UBXN8: variants seen among roughly 807,000 people sequenced by gnomAD.
UBXN8 encodes UBX domain protein 8.
UBXN8 carries 27 observed loss-of-function variants against 32.1 expected under a neutral mutation model. That is an observed-to-expected ratio of 0.84 (90% CI 0.62 to 1.16). The LOEUF (loss-of-function observed/expected upper bound fraction) is 1.16, where lower values mean the gene tolerates loss of function less well. Among genes scored for constraint, UBXN8 ranks in the 50% most tolerant of loss-of-function variants. The pLI is 0.00. For synonymous variants in UBXN8, 109 were observed against 111.8 expected, an observed-to-expected ratio of 0.98 and a Z score of 0.16; for missense variants, 306 against 311.4, an observed-to-expected ratio of 0.98 and a Z score of 0.13.
At chr8:30,762,023 C>T (rs1036852729) in intron 6 of UBXN8, among the ~76,000 whole-genome samples, 1 of 149,704 alleles carries the variant, frequency 6.7e-6, no homozygotes. Context: ...GGAGAACCTA[C>T]TTCTTGGGGC....
chr8:30,730,532 T>C (rs1195706663), upstream of UBXN8, among the ~76,000 whole-genome samples: 1 of 151,724 alleles, frequency 6.6e-6, no homozygotes, highest in Non-Finnish European at 1.5e-5. Context: ...CCCAAGAGTA[T>C]GTAAGGACCC....
intron 1 of UBXN8, among the ~76,000 whole-genome samples, chr8:30,747,356 G>A (rs1323149681): frequency 2.1e-5 from 2 of 96,458 alleles, no homozygotes; most frequent in East Asian, 7.1e-4. Context: ...TGTTGCCCAC[G>A]CAGGAGTGCA....
At chr8:30,753,211 A>G (rs1399330450) in intron 3 of UBXN8, 106 bp downstream of exon 3, 3 of 1,332,246 alleles carry the variant, frequency 2.3e-6, no homozygotes, top group Non-Finnish European at 2.9e-6. Flanking sequence ...GATTTTAAAA[A>G]ATATATAATG....
intron 1 of UBXN8, among the ~76,000 whole-genome samples, chr8:30,747,227 A>G (rs145361302): frequency 0.02 from 2,872 of 140,384 alleles, 457 homozygotes; most frequent in South Asian, 0.032. Context: ...TAGTTCTTTC[A>G]TATTCTCATG....
At chr8:30,748,123 A>AT (rs1471987392) in intron 1 of UBXN8, among the ~76,000 whole-genome samples, 1 of 149,034 alleles carries the variant, frequency 6.7e-6, no homozygotes, top group South Asian at 2.1e-4. Context: ...CTTAAGCTAA[A>AT]TTTTTTTTCT....
chr8:30,740,090 A>G (rs1473709811), upstream of UBXN8, among the ~76,000 whole-genome samples: 1 of 139,648 alleles, frequency 7.2e-6, no homozygotes, highest in Non-Finnish European at 1.5e-5. Context: ...GTTTTTTTGT[A>G]GAGATGGGGT....
intron 6 of UBXN8, among the ~76,000 whole-genome samples, chr8:30,762,060 C>CTT (rs773564122): frequency 1.1e-4 from 7 of 63,608 alleles, no homozygotes; most frequent in Middle Eastern, 7.1e-3. Flanking sequence ...TCCTTGGAAA[C>CTT]CTTTTTTTTT....
At chr8:30,731,849 C>G (rs191945116), upstream of UBXN8, among the ~76,000 whole-genome samples, 61 of 152,296 alleles carry the variant, frequency 4.0e-4, no homozygotes, top group Non-Finnish European at 8.1e-4. Flanking sequence ...CCTTGTCAGT[C>G]TCCATGGAAC....
At chr8:30,763,060 T>A in intron 6 of UBXN8, 1 of 473,844 alleles carries the variant, frequency 2.1e-6, no homozygotes, top group Non-Finnish European at 3.7e-6. Flanking sequence ...TGGCGGGGGG[T>A]GTCTCAAACT....
chr8:30,730,428 C>T (rs1263151724), upstream of UBXN8, among the ~76,000 whole-genome samples: 5 of 152,346 alleles, frequency 3.3e-5, no homozygotes, highest in Non-Finnish European at 7.3e-5. Context: ...CCACCAGTTG[C>T]TCATGTTCCT....
Position 30,761,747 on chromosome 8 carries a change from G to T in UBXN8, c.570+818G>T, listed in dbSNP as rs373506287. Among the ~76,000 whole-genome samples, 108 of 152,154 alleles carry T rather than the reference G, an allele frequency of 7.1e-4. 3 individuals are homozygous for T. In the South Asian group the frequency reaches 0.013, roughly 18 times the overall value. The stretch of plus-strand genomic sequence containing the variant: ...AAAAAGGAAAAAAAACTAGGCAAAT[G>T]ACTTCAAATTGCAGTTCTCCTTTTC... On this transcript the variant is annotated intron_variant, in intron 6 of 7. Transcript: ENST00000265616.
intron 6 of UBXN8, among the ~76,000 whole-genome samples, chr8:30,762,568 T>G (rs530416211): frequency 1.3e-5 from 2 of 152,192 alleles, no homozygotes; most frequent in East Asian, 3.9e-4. Context: ...AATATTTGTA[T>G]TTTTAGTAGA....
intron 3 of UBXN8, among the ~76,000 whole-genome samples, 166 bp downstream of exon 3, chr8:30,753,271 T>G (rs1477797239): frequency 6.6e-6 from 1 of 152,166 alleles, no homozygotes; most frequent in Non-Finnish European, 1.5e-5. Context: ...ACTTATTTAT[T>G]TTTGAAATGG....
Position 30,766,506 on chromosome 8 carries a change from A to G in UBXN8, c.*112A>G. 6.9e-6 allele frequency: 8 copies of G among 1,157,466 alleles called. No homozygotes were observed. In the South Asian group the frequency reaches 1.2e-4, roughly 17 times the overall value. The allele number at this position is 1,157,466 out of a possible 1,614,324, so 71.7% of individuals were successfully genotyped here. On this transcript the variant is annotated 3_prime_UTR_variant, in exon 8 of 8. Transcript: ENST00000265616. ...ATACCTTGATTGAGCTCATGGCAGT[A>G]AACTTTGAACATTGATATCCATGGG...
rs199717897 is a variant in UBXN8 at position 30,754,678 on chromosome 8, T to C, written c.296T>C (p.Ile99Thr). Residue 99 changes from isoleucine (I) to threonine (T), a missense_variant, in exon 4 of 8, where the codon ATA (isoleucine) becomes ACA (threonine). Transcript: ENST00000265616. ...EAQGEKASRYIENVLKPHQEM... is the reference protein window; with the variant it reads ...EAQGEKASRYTENVLKPHQEM... ...TGTTTTCAACAGGCCAGCAGATACATAGAGAATGTTTTAAAACCTCACCAG... is the reference window on the plus strand; with the variant it reads ...TGTTTTCAACAGGCCAGCAGATACACAGAGAATGTTTTAAAACCTCACCAG... 1,673 of 1,553,218 alleles carry C rather than the reference T, an allele frequency of 1.1e-3. 9 individuals carry two copies. Among genetic ancestry groups the C allele is most frequent in the South Asian group, 9.5e-3 (755 of 79,176 alleles).
chr8:30,757,812 A>G (rs2128755490), intron 5 of UBXN8, among the ~76,000 whole-genome samples: 1 of 147,058 alleles, frequency 6.8e-6, no homozygotes, highest in African/African-American at 2.5e-5. Flanking sequence ...GTGAGCCTAG[A>G]TTGCGCCACT....
chr8:30,765,710 C>T (rs576059464), intron 7 of UBXN8, among the ~76,000 whole-genome samples: 12 of 151,782 alleles, frequency 7.9e-5, no homozygotes, highest in East Asian at 3.9e-4. Flanking sequence ...CCCGCCACCA[C>T]GCCTGGCTAA....
At chr8:30,739,471 G>A (rs1013973939), upstream of UBXN8, among the ~76,000 whole-genome samples, 1 of 152,312 alleles carries the variant, frequency 6.6e-6, no homozygotes, top group Middle Eastern at 3.4e-3. Flanking sequence ...GTGAACCTGG[G>A]AGGTGGAGTT....
upstream of UBXN8, among the ~76,000 whole-genome samples, chr8:30,739,264 G>A (rs941035080): frequency 6.6e-5 from 10 of 151,006 alleles, no homozygotes; most frequent in Non-Finnish European, 1.5e-4. Context: ...ATCACACATG[G>A]CCGGGTATGG....
Sources: allele counts gnomAD v4.1 joint callset (sites outside exome capture counted in the v4.1 genomes callset), GRCh38; gene constraint gnomAD v4.1.1; transcripts MANE v1.5; gene names NCBI Gene and HGNC (gene_info 2026-07-23, HGNC 2026-07-21).